PAPSS1: variants seen among roughly 807,000 people sequenced by gnomAD.
The protein encoded by PAPSS1 is bifunctional 3'-phosphoadenosine 5'-phosphosulfate synthase 1.
In PAPSS1, 50 loss-of-function variants were observed where a neutral mutation model predicts 72.0. The ratio of observed to expected loss-of-function variants is 0.69; its 90% confidence interval spans 0.55 to 0.88. The LOEUF is 0.88. Ranked by LOEUF, PAPSS1 falls within the 40% of genes least tolerant of loss-of-function variation. PAPSS1 has a pLI of 0.00. For synonymous variants in PAPSS1, 261 were observed against 263.6 expected, an observed-to-expected ratio of 0.99 and a Z score of 0.09; for missense variants, 657 against 782.2, an observed-to-expected ratio of 0.84 and a Z score of 1.91.
chr4:107,630,921 AT>A lies in PAPSS1; in HGVS notation c.1736+709del, dbSNP rs1401253609. ...ATCCAAAATACTCCAAAATCTGAAAATTTTTGAGCACCAACATGACAAAAGT... is the reference window on the plus strand; with the variant it reads ...ATCCAAAATACTCCAAAATCTGAAAATTTTGAGCACCAACATGACAAAAGT... On this transcript the variant is annotated intron_variant, in intron 11 of 11. Coordinates refer to ENST00000265174, the MANE Select transcript of PAPSS1 (RefSeq NM_005443.5). Among the ~76,000 whole-genome samples the A allele has an allele frequency of 3.9e-5, 6 of 152,164 alleles. No individual in the cohort carries two copies. In the East Asian group the frequency reaches 1.2e-3, roughly 29 times the overall value.
intron 6 of PAPSS1, 40 bp from the exon 7 acceptor site, chr4:107,657,047 G>T: frequency 1.6e-6 from 2 of 1,248,392 alleles, no homozygotes; most frequent in Non-Finnish European, 2.4e-6. Context: ...TCTATTGCAT[G>T]TATATATGAG....
chr4:107,701,022 G>T, intron 2 of PAPSS1, 149 bp downstream of exon 2: 2 of 416,108 alleles, frequency 4.8e-6, no homozygotes, highest in Non-Finnish European at 8.5e-6. Context: ...AAAATAACAA[G>T]AAATATTATT....
intron 3 of PAPSS1, among the ~76,000 whole-genome samples, chr4:107,693,263 G>A (rs1268403519): frequency 6.6e-6 from 1 of 152,132 alleles, no homozygotes; most frequent in Non-Finnish European, 1.5e-5. Flanking sequence ...CAGGCAGGGA[G>A]GAAACAAAAA....
At chr4:107,669,777 A>G (rs1350263844) in intron 5 of PAPSS1, among the ~76,000 whole-genome samples, 1 of 152,238 alleles carries the variant, frequency 6.6e-6, no homozygotes, top group African/African-American at 2.4e-5. Context: ...CACCTTTAAG[A>G]TAAAAATTAA....
intron 5 of PAPSS1, among the ~76,000 whole-genome samples, chr4:107,676,480 A>G (rs1727652904): frequency 2.0e-5 from 3 of 152,238 alleles, no homozygotes; most frequent in African/African-American, 7.2e-5. Context: ...CTTACAAGGG[A>G]TGTGAAAGAC....
rs535627392 is a variant in PAPSS1 at position 107,708,747 on chromosome 4, T to C, written c.61-7462A>G. ...GGCAGCAAACATAGTACTCTGGATA[T>C]AAGGAGATTTTTTTTGGTTTATGTA... On this transcript the variant is annotated intron_variant, in intron 1 of 11. Coordinates refer to ENST00000265174, the MANE Select transcript of PAPSS1 (RefSeq NM_005443.5). Among the ~76,000 whole-genome samples, 5 of 152,338 alleles carry C rather than the reference T, an allele frequency of 3.3e-5. No homozygotes were observed. In the South Asian group the frequency reaches 6.2e-4, roughly 19 times the overall value.
Position 107,654,918 on chromosome 4 carries a change from A to C in PAPSS1, c.896-18T>G. ...GACACCTCCTGCAGAGCACAAAAGA[A>C]CATGAAGCACACAGCTTGAATTACT... is the stretch of plus-strand genomic sequence containing the variant. On this transcript the variant is annotated intron_variant, in intron 7 of 11. Transcript: ENST00000265174. 6.3e-7 allele frequency: 1 copy of C among 1,587,256 alleles called. No individual in the cohort carries two copies. The highest frequency in any genetic ancestry group is 8.6e-7 in the Non-Finnish European group (1 of 1,156,810).
At chr4:107,719,187 G>GTTGTTT (rs1553923214) in intron 1 of PAPSS1, among the ~76,000 whole-genome samples, 48 of 146,418 alleles carry the variant, frequency 3.3e-4, no homozygotes, top group Admixed American at 6.8e-5. Context: ...GAAATTGCTT[G>GTTGTTT]TTTTTTTTTT....
intron 10 of PAPSS1, among the ~76,000 whole-genome samples, chr4:107,640,048 T>C (rs971880561): frequency 6.6e-6 from 1 of 152,194 alleles, no homozygotes; most frequent in Non-Finnish European, 1.5e-5. Flanking sequence ...AAACCGAGGG[T>C]ATAGCTGTTA....
intron 5 of PAPSS1, among the ~76,000 whole-genome samples, chr4:107,671,584 A>T (rs1727469123): frequency 6.6e-6 from 1 of 152,202 alleles, no homozygotes; most frequent in Non-Finnish European, 1.5e-5. Context: ...CTTATGAATC[A>T]CTAACAAGAT....
intron 10 of PAPSS1, among the ~76,000 whole-genome samples, chr4:107,636,568 G>GTGT: frequency 6.6e-6 from 1 of 152,014 alleles, no homozygotes; most frequent in East Asian, 1.9e-4. Context: ...AATCAAAGGG[G>GTGT]GTAACACTCT....
At position 107,702,955 on chromosome 4, in the gene PAPSS1, C is replaced by T. The variant is rs1410869549; in HGVS notation, c.61-1670G>A. ...CATATTGATTTCCATAATGGCTATA[C>T]TAATATTCCCACAATAGCACACTAG... On this transcript the variant is annotated intron_variant, in intron 1 of 11. Transcript: ENST00000265174. 5.3e-5 allele frequency among the ~76,000 whole-genome samples: 8 copies of T among 152,148 alleles called. No homozygotes were observed. The East Asian group carries it at 1.5e-3, about 29-fold the overall frequency.
intron 5 of PAPSS1, among the ~76,000 whole-genome samples, chr4:107,665,138 G>A (rs1727282840): frequency 6.6e-6 from 1 of 152,206 alleles, no homozygotes; most frequent in Admixed American, 6.5e-5. Context: ...AAGAGGAACT[G>A]GGAGCATCTG....
chr4:107,614,879 C>T (rs1226605612), intron 11 of PAPSS1, among the ~76,000 whole-genome samples: 1 of 152,090 alleles, frequency 6.6e-6, no homozygotes, highest in Non-Finnish European at 1.5e-5. Context: ...AAACCACACC[C>T]ATCTCACGGG....
Position 107,665,714 on chromosome 4 carries a change from A to G in PAPSS1, c.670-5642T>C, listed in dbSNP as rs189591847. Among the ~76,000 whole-genome samples, 500 of 152,316 alleles carry G rather than the reference A, an allele frequency of 3.3e-3. 4 individuals carry two copies. The highest frequency in any genetic ancestry group is 0.017 in the Admixed American group (256 of 15,298). ...GTAAGTCTAGAGATATTATAAATTT[A>G]TAAGTATTAATTTAATTTTAAAATG... is the stretch of plus-strand genomic sequence containing the variant. On this transcript the variant is annotated intron_variant, in intron 5 of 11. Coordinates refer to ENST00000265174, the MANE Select transcript of PAPSS1 (RefSeq NM_005443.5).
chr4:107,687,217 C>T, intron 3 of PAPSS1, 40 bp from the exon 4 acceptor site: 2 of 1,471,550 alleles, frequency 1.4e-6, no homozygotes, highest in East Asian at 2.5e-5. Flanking sequence ...ACACAAATCA[C>T]AAACGTACTA....
intron 5 of PAPSS1, among the ~76,000 whole-genome samples, chr4:107,667,724 C>G (rs560027045): frequency 7.9e-4 from 121 of 152,250 alleles, no homozygotes; most frequent in African/African-American, 2.8e-3. Context: ...TATAGTATAA[C>G]CTTTTACCAC....
At chr4:107,644,305 CAA>C (rs1487580608) in intron 10 of PAPSS1, among the ~76,000 whole-genome samples, 1 of 152,188 alleles carries the variant, frequency 6.6e-6, no homozygotes, top group Non-Finnish European at 1.5e-5. Flanking sequence ...TGAAGTAGGT[CAA>C]AAGACTCTCA....
At chr4:107,669,846 G>C (rs757106678) in intron 5 of PAPSS1, among the ~76,000 whole-genome samples, 10 of 152,066 alleles carry the variant, frequency 6.6e-5, no homozygotes, top group Non-Finnish European at 1.5e-4. Context: ...TCCCTTTCTG[G>C]ATGTAGATTT....
Sources: allele counts gnomAD v4.1 joint callset (sites outside exome capture counted in the v4.1 genomes callset), GRCh38; gene constraint gnomAD v4.1.1; transcripts MANE v1.5; gene names NCBI Gene and HGNC (gene_info 2026-07-23, HGNC 2026-07-21).